ZNF454: variants seen among roughly 807,000 people sequenced by gnomAD.
The protein encoded by ZNF454 is zinc finger protein 454.
ZNF454 carries 30 observed loss-of-function variants against 48.2 expected under a neutral mutation model. That is an observed-to-expected ratio of 0.62 (90% CI 0.47 to 0.84). The LOEUF is 0.84. Among genes scored for constraint, ZNF454 ranks in the 40% least tolerant of loss-of-function variants. The pLI is 0.00. For synonymous variants in ZNF454, 204 were observed against 211.4 expected (o/e 0.97, Z 0.30); for missense variants, 510 against 623.1 (o/e 0.82, Z 1.93).
chr5:178,955,037 A>G (rs1164938221), intron 4 of ZNF454, among the ~76,000 whole-genome samples: 1 of 152,216 alleles, frequency 6.6e-6, no homozygotes, highest in Non-Finnish European at 1.5e-5. Context: ...GATAGTTTAC[A>G]TGTTTTTTTG....
At chr5:178,983,313 T>G in the ZNF454 span, 1 of 1,114,848 alleles carries the variant, frequency 9.0e-7, no homozygotes, top group Non-Finnish European at 1.3e-6. Flanking sequence ...AGGATCCCCT[T>G]GAGGCTCTGG....
At chr5:178,960,180 G>T (rs947088617) in intron 4 of ZNF454, among the ~76,000 whole-genome samples, 1 of 150,928 alleles carries the variant, frequency 6.6e-6, no homozygotes. Flanking sequence ...TGGACTCCTA[G>T]ACTCAAGCGG....
At chr5:178,987,454 A>G in the ZNF454 span, 1 of 457,274 alleles carries the variant, frequency 2.2e-6, no homozygotes, top group African/African-American at 2.0e-5. Context: ...GGGGCCATTC[A>G]CACAATGGGA....
chr5:178,965,008 G>GA lies in ZNF454; in HGVS notation c.611dup (p.Asn204LysfsTer9), dbSNP rs752005964. 1.9e-5 allele frequency: 31 copies of GA among 1,613,680 alleles called. No homozygotes were observed. The highest frequency in any genetic ancestry group is 2.1e-5 in the Non-Finnish European group (25 of 1,179,950). On this transcript the variant is annotated frameshift_variant, in exon 5 of 5. Coordinates refer to ENST00000519564, the MANE Select transcript of ZNF454 (RefSeq NM_001178089.3). LOFTEE classifies it high-confidence loss of function. This position sits in a 1 kb window ranked among gnomAD's most constrained non-coding sequence, Gnocchi z 5.2. ...TAATAAACATCAGAAAATTCATAAT[G>GA]AAAAAAATGCAAATCAGAAAATTCA...
the ZNF454 span, chr5:178,985,378 G>A: frequency 5.1e-6 from 2 of 391,310 alleles, no homozygotes; most frequent in Non-Finnish European, 1.0e-5. Flanking sequence ...GTCACAGGAG[G>A]GGAGGGGCTC....
rs1182664436 is a variant in ZNF454, at chr5:178,944,461, A to C, written c.33+1637A>C. Reference sequence around the variant, plus strand: ...ATATGTTAGGGCTGTAAAATGTGCCAGGAATTATGATCTGGGCTACAAATA... The same window carrying C: ...ATATGTTAGGGCTGTAAAATGTGCCCGGAATTATGATCTGGGCTACAAATA... On this transcript the variant is annotated intron_variant, in intron 2 of 4. Transcript: ENST00000519564. The surrounding 1 kb of genome is among the most constrained non-coding windows in gnomAD (Gnocchi z 4.1). Among the ~76,000 whole-genome samples the C allele has an allele frequency of 6.6e-6, 1 of 152,252 alleles. No homozygotes were observed. Among genetic ancestry groups the C allele is most frequent in the Non-Finnish European group, 1.5e-5 (1 of 68,042 alleles).
downstream of ZNF454, chr5:178,969,320 T>C (rs1287985570): frequency 2.6e-6 from 1 of 388,266 alleles, no homozygotes; most frequent in African/African-American, 2.1e-5. Flanking sequence ...GCCACAGTCT[T>C]CTCTACCAGC....
Position 178,941,373 on chromosome 5 carries a change from G to A in ZNF454, c.-179G>A, listed in dbSNP as rs1044866488. 2.2e-6 allele frequency: 1 copy of A among 456,124 alleles called. No homozygotes were observed. Among genetic ancestry groups the A allele is most frequent in the Non-Finnish European group, 4.4e-6 (1 of 226,670 alleles). The allele number at this position is 456,124 out of a possible 1,614,324, so 28.3% of individuals were successfully genotyped here. On this transcript the variant is annotated 5_prime_UTR_variant, in exon 1 of 5. Coordinates refer to ENST00000519564, the MANE Select transcript of ZNF454 (RefSeq NM_001178089.3). The surrounding 1 kb of genome is among the most constrained non-coding windows in gnomAD (Gnocchi z 5.5). ...AGGTCGTCTGGGGAGAAGGGCGGAG[G>A]CAAAGCCGAGGAGGTGCGGGTTGTG...
intron 4 of ZNF454, among the ~76,000 whole-genome samples, chr5:178,963,407 G>A (rs962113614): frequency 4.6e-5 from 7 of 151,764 alleles, no homozygotes; most frequent in Admixed American, 1.3e-4. Context: ...CTTGAAATGC[G>A]CCTGTTTACC....
the ZNF454 span, chr5:178,986,563 G>T: frequency 6.2e-7 from 1 of 1,607,876 alleles, no homozygotes. Flanking sequence ...GTTGGGCGTG[G>T]GCCTCATGTC....
downstream of ZNF454, among the ~76,000 whole-genome samples, chr5:178,970,935 G>A (rs1188124905): frequency 2.4e-4 from 36 of 152,172 alleles, no homozygotes; most frequent in Admixed American, 2.4e-3. Context: ...GCCCCACGTG[G>A]TCCTGGAAAG....
At chr5:178,989,646 C>T in the ZNF454 span, 1 of 595,206 alleles carries the variant, frequency 1.7e-6, no homozygotes, top group East Asian at 2.9e-5. Context: ...TTGGTGGACT[C>T]AGAGCCAACT....
rs771176182 is a variant in ZNF454 at position 178,965,746 on chromosome 5, G to A, written c.1342G>A (p.Ala448Thr). The A allele has an allele frequency of 6.2e-7, 1 of 1,614,138 alleles. No individual in the cohort carries two copies. The highest frequency in any genetic ancestry group is 2.2e-5 in the East Asian group (1 of 44,870). Residue 448 changes from alanine (A) to threonine (T), a missense_variant, in exon 5 of 5, where the codon GCC becomes ACC. Ala to Thr is a moderately conservative substitution (Grantham distance 58). This residue lies in a region of ZNF454 where 153 missense variants were observed against 195.8 expected (regional missense o/e 0.78). Coordinates refer to ENST00000519564, the MANE Select transcript of ZNF454 (RefSeq NM_001178089.3). The surrounding 1 kb of genome is among the most constrained non-coding windows in gnomAD (Gnocchi z 5.2). ...TTATACATGTAACATATGTGAAAAA[G>A]CCTTCAGTGACCATTCAGCCCTTAC... is the stretch of plus-strand genomic sequence containing the variant. ...KPYTCNICEK[A>T]FSDHSALTQH...
At chr5:178,989,217 A>ATG in the ZNF454 span, 1 of 954,826 alleles carries the variant, frequency 1.0e-6, no homozygotes, top group Non-Finnish European at 1.5e-6. Flanking sequence ...CCCCACCCTC[A>ATG]CCACCCTCCC....
chr5:178,974,459 C>T, the ZNF454 span, among the ~76,000 whole-genome samples: 1 of 152,128 alleles, frequency 6.6e-6, no homozygotes, highest in Non-Finnish European at 1.5e-5. Flanking sequence ...GCTGAGACTA[C>T]AGGCGCCCGC....
the ZNF454 span, among the ~76,000 whole-genome samples, chr5:178,982,486 G>A: frequency 1.1e-4 from 16 of 146,912 alleles, no homozygotes; most frequent in African/African-American, 4.0e-4. Flanking sequence ...GCTGAGGCTG[G>A]AGAATCACTT....
At chr5:178,985,715 CAA>C in the ZNF454 span, 6 of 383,932 alleles carry the variant, frequency 1.6e-5, no homozygotes, top group South Asian at 3.8e-5. Context: ...AAAAAAAAAA[CAA>C]AACAACACAG....
At chr5:178,952,124 T>G (rs980089550) in intron 4 of ZNF454, among the ~76,000 whole-genome samples, 27 of 149,962 alleles carry the variant, frequency 1.8e-4, no homozygotes, top group Admixed American at 6.0e-4. Flanking sequence ...TGCAAGCTCC[T>G]CCTCCCGGGT....
the ZNF454 span, chr5:178,986,837 C>T: frequency 5.0e-6 from 8 of 1,613,710 alleles, no homozygotes; most frequent in South Asian, 4.4e-5. Flanking sequence ...TGCACACTCA[C>T]ATCCAGTCTG....
Sources: gnomAD v4.1 joint callset for allele counts (sites outside exome capture counted in the v4.1 genomes callset) on GRCh38, gnomAD v4.1.1 for gene constraint, gnomAD v4.1.1 regional missense constraint, Gnocchi (gnomAD v3.1) non-coding constraint, MANE v1.5 for transcripts, NCBI Gene and HGNC (gene_info 2026-07-23, HGNC 2026-07-21) for gene names.